The following LCOR variants were observed in gnomAD, a reference collection of about 807,000 sequenced individuals.
The protein encoded by LCOR is ligand dependent nuclear receptor corepressor.
Under a neutral mutation model 64.4 loss-of-function variants are expected in LCOR, and 14 were observed. The ratio of observed to expected loss-of-function variants is 0.22; its 90% CI spans 0.14 to 0.34. The LOEUF is 0.34. Ranked by LOEUF, LCOR falls within the 10% of genes least tolerant of loss-of-function variation. The pLI is 1.00. For missense variants in LCOR, 1,686 were observed against 1,765.3 expected, an observed-to-expected ratio of 0.96 and a Z score of 0.80; for synonymous variants, 643 against 642.5, an observed-to-expected ratio of 1.00 and a Z score of -0.01.
chr10:96,987,922 A>G lies in LCOR; in HGVS notation c.*2788A>G, dbSNP rs1161805308. 1 of 152,218 alleles carries G rather than the reference A, an allele frequency of 6.6e-6. No homozygotes were observed. Among genetic ancestry groups the G allele is most frequent in the East Asian group, 1.9e-4 (1 of 5,198 alleles). 9.4% of individuals were successfully genotyped at this position (152,218 alleles called of 1,614,324 possible). On this transcript the variant is annotated 3_prime_UTR_variant, in exon 8 of 8. Transcript: ENST00000421806. Reference sequence around the variant, plus strand: ...AGAATGGCTTACCACACCAGATGCAAAAGCAGTCCATCCCACATTCCGATC... The same window carrying G: ...AGAATGGCTTACCACACCAGATGCAGAAGCAGTCCATCCCACATTCCGATC...
chr10:96,900,911 C>A (rs1399252790), intron 2 of LCOR, among the ~76,000 whole-genome samples: 7 of 149,698 alleles, frequency 4.7e-5, no homozygotes, highest in Non-Finnish European at 3.0e-5. Flanking sequence ...TGGGGTCGGC[C>A]GGGCGCAGTG....
At position 96,832,365 on chromosome 10, in the gene LCOR, G is replaced by A. The variant is rs1292942836; in HGVS notation, c.-438G>A. 10 of 984,996 alleles carry A rather than the reference G, an allele frequency of 1.0e-5. No individual in the cohort carries two copies. Among genetic ancestry groups the A allele is most frequent in the Non-Finnish European group, 1.2e-5 (10 of 829,622 alleles). 61.0% of individuals were successfully genotyped at this position (984,996 alleles called of 1,614,324 possible). On this transcript the variant is annotated 5_prime_UTR_variant, in exon 1 of 8. Coordinates refer to ENST00000421806, the MANE Select transcript of LCOR (RefSeq NM_001346516.2). ...AGAGACGCGGCTTTCGGCAAGAACT[G>A]GATTCGTGGCGCCACAAGCTCATTC...
chr10:96,946,309 T>C (rs562716732), intron 5 of LCOR, among the ~76,000 whole-genome samples: 1 of 152,238 alleles, frequency 6.6e-6, no homozygotes, highest in East Asian at 1.9e-4. Context: ...TTCAAAGTAT[T>C]GTAAATTATA....
At chr10:96,965,555 G>A (rs1185402296) in intron 7 of LCOR, among the ~76,000 whole-genome samples, 6 of 149,964 alleles carry the variant, frequency 4.0e-5, no homozygotes, top group Admixed American at 1.3e-4. Context: ...CCAGCTACTC[G>A]GGAGGCTGAG....
At position 96,989,695 on chromosome 10, in the gene LCOR, A is replaced by ATATT. The variant is rs1371771053; in HGVS notation, c.*4562_*4563insATTT. On this transcript the variant is annotated 3_prime_UTR_variant, in exon 8 of 8. Transcript: ENST00000421806. ...TAAGGATATATATATATATATATAT[A>ATATT]TTTTTTTTTTTTTTTTTTTTTTTTA... 3 of 86,160 alleles carry ATATT rather than the reference A, an allele frequency of 3.5e-5. No homozygotes were observed. Among genetic ancestry groups the ATATT allele is most frequent in the African/African-American group, 6.2e-5 (1 of 16,170 alleles). The allele number at this position is 86,160 out of a possible 1,614,324, so 5.3% of individuals were successfully genotyped here. A position where few individuals can be genotyped will look rare whatever the true frequency, so the allele number is the denominator to read the frequency against.
At chr10:96,927,897 A>G (rs908829428) in intron 4 of LCOR, among the ~76,000 whole-genome samples, 4 of 152,246 alleles carry the variant, frequency 2.6e-5, no homozygotes, top group African/African-American at 4.8e-5. Flanking sequence ...TTCCCAGTGC[A>G]TATAAAAGTT....
intron 2 of LCOR, among the ~76,000 whole-genome samples, chr10:96,834,983 C>T (rs1845417183): frequency 6.6e-6 from 1 of 152,212 alleles, no homozygotes; most frequent in Non-Finnish European, 1.5e-5. Flanking sequence ...TCACTGCAAC[C>T]TCCGCCTCCC....
intron 7 of LCOR, chr10:96,961,225 C>T (rs774305247): frequency 2.0e-5 from 3 of 152,036 alleles, no homozygotes; most frequent in Non-Finnish European, 2.9e-5. Context: ...GTTGATTTGA[C>T]AATAGAACAT....
At chr10:96,970,888 G>C (rs548752727) in intron 7 of LCOR, among the ~76,000 whole-genome samples, 1 of 151,966 alleles carries the variant, frequency 6.6e-6, no homozygotes, top group South Asian at 2.1e-4. Flanking sequence ...CAAAGTATTA[G>C]AATTACAGGC....
At chr10:96,918,967 A>G (rs534242306) in intron 4 of LCOR, among the ~76,000 whole-genome samples, 4 of 152,376 alleles carry the variant, frequency 2.6e-5, no homozygotes, top group Admixed American at 1.3e-4. Flanking sequence ...AAGAAAAGTA[A>G]TAAGATTTCG....
At chr10:96,896,249 C>T (rs1175443058) in intron 2 of LCOR, among the ~76,000 whole-genome samples, 1 of 152,092 alleles carries the variant, frequency 6.6e-6, no homozygotes, top group Non-Finnish European at 1.5e-5. Flanking sequence ...ACCGTATAGT[C>T]ATACCTTATG....
chr10:96,871,282 C>G lies in LCOR; in HGVS notation c.-329-35983C>G, dbSNP rs554358803. On this transcript the variant is annotated intron_variant, in intron 2 of 7. Transcript: ENST00000421806. ...GTGTTGCCCAGGCTAGTCTCAAACT[C>G]CTGGCCACTAGTGATCCTCCTGCGT... Among the ~76,000 whole-genome samples the G allele has an allele frequency of 2.8e-4, 42 of 151,726 alleles. No individual in the cohort carries two copies. In the South Asian group the frequency reaches 8.6e-3, roughly 31 times the overall value.
intron 2 of LCOR, among the ~76,000 whole-genome samples, chr10:96,851,902 G>A (rs1845727516): frequency 6.6e-6 from 1 of 152,124 alleles, no homozygotes; most frequent in African/African-American, 2.4e-5. Context: ...CGTATTAATG[G>A]TATGTCATAT....
intron 2 of LCOR, among the ~76,000 whole-genome samples, chr10:96,880,332 TTCTA>T (rs1846241882): frequency 6.6e-6 from 1 of 152,196 alleles, no homozygotes; most frequent in Admixed American, 6.5e-5. Flanking sequence ...AATGGTGGCC[TTCTA>T]GCATTGAGAA....
chr10:96,947,759 T>C (rs537400502), intron 5 of LCOR, among the ~76,000 whole-genome samples: 1 of 152,228 alleles, frequency 6.6e-6, no homozygotes, highest in East Asian at 1.9e-4. Context: ...AAAGGACTAT[T>C]TCATGTTGAT....
chr10:96,879,225 A>C (rs1042024997), intron 2 of LCOR, among the ~76,000 whole-genome samples: 3 of 152,246 alleles, frequency 2.0e-5, no homozygotes, highest in African/African-American at 2.4e-5. Context: ...CATGATTCAC[A>C]GATGAAGCAC....
At chr10:96,848,001 G>A (rs1052638533) in intron 2 of LCOR, among the ~76,000 whole-genome samples, 1 of 152,128 alleles carries the variant, frequency 6.6e-6, no homozygotes, top group African/African-American at 2.4e-5. Context: ...AAAAGTGTTT[G>A]TATGTTACTT....
At chr10:96,966,664 T>C (rs986909415) in intron 7 of LCOR, among the ~76,000 whole-genome samples, 19 of 152,244 alleles carry the variant, frequency 1.2e-4, no homozygotes, top group Non-Finnish European at 1.5e-4. Flanking sequence ...GTTCTTGTTA[T>C]ATTTCACTTT....
intron 7 of LCOR, among the ~76,000 whole-genome samples, chr10:96,977,495 ATAAAT>A (rs1187202100): frequency 6.6e-6 from 1 of 152,250 alleles, no homozygotes; most frequent in Non-Finnish European, 1.5e-5. Context: ...ATCAGGAAGA[ATAAAT>A]TATGTTCCAA....
Sources: gnomAD v4.1 joint callset for allele counts (sites outside exome capture counted in the v4.1 genomes callset) on GRCh38, gnomAD v4.1.1 for gene constraint, MANE v1.5 for transcripts, NCBI Gene and HGNC (gene_info 2026-07-23, HGNC 2026-07-21) for gene names.